The following NPLOC4 variants were observed in gnomAD, a reference collection of about 807,000 sequenced individuals.
NPLOC4 encodes the protein nuclear protein localization protein 4 homolog.
NPLOC4 carries 18 observed loss-of-function variants against 80.6 expected under a neutral mutation model. The observed-to-expected ratio is 0.22, with a 90% confidence interval of 0.15 to 0.33. The LOEUF (loss-of-function observed/expected upper bound fraction) is 0.33, where lower values mean the gene tolerates loss of function less well. Among genes scored for constraint, NPLOC4 ranks in the 10% least tolerant of loss-of-function variants. The pLI is 1.00. For synonymous variants in NPLOC4, 313 were observed against 301.5 expected, an observed-to-expected ratio of 1.04 and a Z score of -0.39; for missense variants, 540 against 786.1, an observed-to-expected ratio of 0.69 and a Z score of 3.74.
chr17:81,584,895 G>A (rs567327828), intron 12 of NPLOC4, among the ~76,000 whole-genome samples: 22 of 152,140 alleles, frequency 1.4e-4, no homozygotes, highest in African/African-American at 3.6e-4. Flanking sequence ...GGCCCAGCAC[G>A]GTGGCTCACG....
intron 3 of NPLOC4, among the ~76,000 whole-genome samples, chr17:81,617,926 C>T (rs1023335101): frequency 2.0e-5 from 3 of 152,316 alleles, no homozygotes; most frequent in East Asian, 3.9e-4. Flanking sequence ...CCCGAGGTGC[C>T]GGGATTGCAG....
chr17:81,603,398 C>T lies in NPLOC4; in HGVS notation c.834+1150G>A, dbSNP rs115103633. Among the ~76,000 whole-genome samples the T allele has an allele frequency of 2.9e-3, 437 of 152,104 alleles. 3 individuals are homozygous for T. Among genetic ancestry groups the T allele is most frequent in the African/African-American group, 0.01 (428 of 41,474 alleles). On this transcript the variant is annotated intron_variant, in intron 8 of 16. Transcript: ENST00000331134. ...GTCACTTGAGGCCAGTAGTTCAAGACCAACCTGGGCAATATAGCGAGACCC... is the reference window on the plus strand; with the variant it reads ...GTCACTTGAGGCCAGTAGTTCAAGATCAACCTGGGCAATATAGCGAGACCC...
chr17:81,630,152 G>T, intron 1 of NPLOC4, among the ~76,000 whole-genome samples: 1 of 146,448 alleles, frequency 6.8e-6, no homozygotes, highest in Non-Finnish European at 1.5e-5. Context: ...AATGAACTGT[G>T]TTCTTTAAAA....
chr17:81,604,187 T>C (rs555873088), intron 8 of NPLOC4, among the ~76,000 whole-genome samples: 3 of 152,246 alleles, frequency 2.0e-5, no homozygotes, highest in Non-Finnish European at 4.4e-5. Context: ...TTCTCCATGG[T>C]TCCTAAGACA....
At position 81,589,136 on chromosome 17, in the gene NPLOC4, C is replaced by G. The variant is rs201247928; in HGVS notation, c.1121-32G>C. On this transcript the variant is annotated intron_variant, in intron 11 of 16. Coordinates refer to ENST00000331134, the MANE Select transcript of NPLOC4 (RefSeq NM_017921.4). Reference sequence around the variant, plus strand: ...GAGAGAGACCTTTAAAAAGAGTCTACCAAACGGCATTCAAAACCAGTCCAT... The same window carrying G: ...GAGAGAGACCTTTAAAAAGAGTCTAGCAAACGGCATTCAAAACCAGTCCAT... 3.3e-5 allele frequency: 53 copies of G among 1,593,710 alleles called. No homozygotes were observed. In the East Asian group the frequency reaches 1.2e-3, roughly 36 times the overall value.
At chr17:81,618,252 G>A (rs2035558363) in intron 3 of NPLOC4, among the ~76,000 whole-genome samples, 1 of 150,954 alleles carries the variant, frequency 6.6e-6, no homozygotes, top group Non-Finnish European at 1.5e-5. Flanking sequence ...AGGAAGTGAG[G>A]AGCGTCTCTG....
intron 3 of NPLOC4, among the ~76,000 whole-genome samples, chr17:81,616,529 G>C (rs1300066523): frequency 6.6e-6 from 1 of 151,726 alleles, no homozygotes; most frequent in Non-Finnish European, 1.5e-5. Context: ...AGGAGATTGA[G>C]ACGATCCTGG....
At chr17:81,604,496 C>T in intron 8 of NPLOC4, 52 bp downstream of exon 8, 1 of 1,562,884 alleles carries the variant, frequency 6.4e-7, no homozygotes, top group Non-Finnish European at 8.7e-7. Context: ...AAGGGCGTCC[C>T]CCACAGCCTC....
chr17:81,613,744 T>C (rs1011050073), intron 3 of NPLOC4, among the ~76,000 whole-genome samples: 1 of 152,148 alleles, frequency 6.6e-6, no homozygotes, highest in Admixed American at 6.5e-5. Flanking sequence ...GAAGCCTCCA[T>C]ACACCCAAAT....
chr17:81,632,582 G>A (rs1403454981), intron 1 of NPLOC4, among the ~76,000 whole-genome samples: 1 of 152,018 alleles, frequency 6.6e-6, no homozygotes, highest in African/African-American at 2.4e-5. Flanking sequence ...CCAAAGTGCT[G>A]GGATTACAGG....
chr17:81,635,028 T>TA (rs530344529), intron 1 of NPLOC4, among the ~76,000 whole-genome samples: 5 of 151,972 alleles, frequency 3.3e-5, no homozygotes, highest in Non-Finnish European at 7.4e-5. Flanking sequence ...CTCATCTCTA[T>TA]AAAAAAATGT....
intron 8 of NPLOC4, among the ~76,000 whole-genome samples, chr17:81,601,381 GTTGT>G (rs760019142): frequency 1.6e-4 from 25 of 152,308 alleles, no homozygotes; most frequent in Non-Finnish European, 2.5e-4. Context: ...AGGAAAAGGA[GTTGT>G]TTAATGACAT....
In NPLOC4 at chr17:81,558,557, C is replaced by G. The variant is rs1173362321; in HGVS notation, c.*702G>C. 1.3e-5 allele frequency: 2 copies of G among 152,180 alleles called. No homozygotes were observed. The highest frequency in any genetic ancestry group is 1.5e-5 in the Non-Finnish European group (1 of 68,042). The allele number at this position is 152,180 out of a possible 1,614,324, so 9.4% of individuals were successfully genotyped here. On this transcript the variant is annotated 3_prime_UTR_variant, in exon 17 of 17. Transcript: ENST00000331134. ...GAAGGATGTGGAAACTAGTCTCTCT[C>G]ACTCCCCTTTTGTGCAGTTTTTATC...
At chr17:81,600,482 C>T in intron 8 of NPLOC4, 55 bp from the exon 9 acceptor site, 1 of 1,376,552 alleles carries the variant, frequency 7.3e-7, no homozygotes, top group East Asian at 2.4e-5. Flanking sequence ...CAGGAAGCAG[C>T]ACCCCAAGCC....
At chr17:81,623,396 T>C (rs62074730) in intron 2 of NPLOC4, among the ~76,000 whole-genome samples, 3 of 126,878 alleles carry the variant, frequency 2.4e-5, no homozygotes, top group Non-Finnish European at 4.7e-5. Flanking sequence ...GCCTGGGAGG[T>C]AGAGGCTGCA....
In NPLOC4 at chr17:81,565,497, G is replaced by A. The variant is rs1346551382; in HGVS notation, c.1669+8C>T. On this transcript the variant is annotated splice_region_variant and intron_variant, in intron 16 of 16. Coordinates refer to ENST00000331134, the MANE Select transcript of NPLOC4 (RefSeq NM_017921.4). ...CGGGGTGCCGGGGCAGGGGGTGGGG[G>A]TACTCACTGCACAGCTGCTCGATGG... 1.3e-6 allele frequency: 2 copies of A among 1,541,734 alleles called. No homozygotes were observed. Among genetic ancestry groups the A allele is most frequent in the Non-Finnish European group, 1.7e-6 (2 of 1,143,346 alleles).
At chr17:81,623,721 C>T (rs2035727229) in intron 2 of NPLOC4, among the ~76,000 whole-genome samples, 1 of 151,136 alleles carries the variant, frequency 6.6e-6, no homozygotes, top group East Asian at 2.0e-4. Context: ...TGGCGTGAAC[C>T]CGGGAGGCGG....
At chr17:81,602,932 C>CATAT (rs150169696) in intron 8 of NPLOC4, among the ~76,000 whole-genome samples, 16 of 143,186 alleles carry the variant, frequency 1.1e-4, no homozygotes, top group African/African-American at 3.2e-4. Flanking sequence ...TACACACACA[C>CATAT]ATATATATAT....
At chr17:81,565,009 C>T (rs1420655202) in intron 16 of NPLOC4, 5 of 388,492 alleles carry the variant, frequency 1.3e-5, no homozygotes, top group African/African-American at 8.4e-5. Flanking sequence ...AGTGGGGAAT[C>T]GTTCAGGACC....
Sources: allele counts gnomAD v4.1 joint callset (sites outside exome capture counted in the v4.1 genomes callset), GRCh38; gene constraint gnomAD v4.1.1; transcripts MANE v1.5; gene names NCBI Gene and HGNC (gene_info 2026-07-23, HGNC 2026-07-21).